The following SLC24A4 variants were observed in gnomAD, a reference collection of about 807,000 sequenced individuals.
SLC24A4 encodes solute carrier family 24 member 4.
In SLC24A4, 53 loss-of-function variants were observed where a neutral mutation model predicts 79.0. The ratio of observed to expected loss-of-function variants is 0.67; its 90% CI spans 0.54 to 0.84. SLC24A4 has a LOEUF of 0.84. Among genes scored for constraint, SLC24A4 ranks in the 40% least tolerant of loss-of-function variants. The probability of loss-of-function intolerance (pLI) is 0.00; values close to 1 mark genes in which losing one functional copy is unlikely to be tolerated. For missense variants in SLC24A4, 731 were observed against 822.0 expected (o/e 0.89, Z 1.35); for synonymous variants, 323 against 323.8 (o/e 1.00, Z 0.03).
At chr14:92,324,222 G>T (rs1884983178) in intron 1 of SLC24A4, among the ~76,000 whole-genome samples, 1 of 152,234 alleles carries the variant, frequency 6.6e-6, no homozygotes, top group Non-Finnish European at 1.5e-5. Flanking sequence ...TAAGACGAAA[G>T]CAAGAACCGC....
In SLC24A4 at chr14:92,398,661, C is replaced by A. The variant is rs867961160; in HGVS notation, c.242-35251C>A. Among the ~76,000 whole-genome samples, 1 of 152,176 alleles carries A rather than the reference C, an allele frequency of 6.6e-6. No homozygotes were observed. Among genetic ancestry groups the A allele is most frequent in the South Asian group, 2.1e-4 (1 of 4,830 alleles). On this transcript the variant is annotated intron_variant, in intron 2 of 16. Coordinates refer to ENST00000532405, the MANE Select transcript of SLC24A4 (RefSeq NM_153646.4). The surrounding 1 kb of genome is among the most constrained non-coding windows in gnomAD (Gnocchi z 4.1). ...CCACCTGGCATGGCTCAGAACATACCCCTTCCTCGTGTTAGCCAAAGCGAG... is the reference window on the plus strand; with the variant it reads ...CCACCTGGCATGGCTCAGAACATACACCTTCCTCGTGTTAGCCAAAGCGAG...
At chr14:92,469,453 G>C (rs1894312860) in intron 12 of SLC24A4, among the ~76,000 whole-genome samples, 1 of 151,538 alleles carries the variant, frequency 6.6e-6, no homozygotes, top group Admixed American at 6.6e-5. Flanking sequence ...AGCTCGCAGT[G>C]AGCCGAGATC....
chr14:92,331,450 T>A (rs1885473751), intron 2 of SLC24A4, among the ~76,000 whole-genome samples: 1 of 152,066 alleles, frequency 6.6e-6, no homozygotes, highest in Admixed American at 6.5e-5. Flanking sequence ...GCCTGGCTAA[T>A]TTTTGTATTT....
At chr14:92,489,853 C>T (rs570840155) in intron 14 of SLC24A4, among the ~76,000 whole-genome samples, 13 of 152,294 alleles carry the variant, frequency 8.5e-5, no homozygotes, top group Non-Finnish European at 1.5e-4. Context: ...CCTGACCTGC[C>T]GGAGTGCCTG....
intron 12 of SLC24A4, among the ~76,000 whole-genome samples, chr14:92,472,338 G>A (rs543027407): frequency 5.9e-5 from 9 of 151,896 alleles, no homozygotes; most frequent in Non-Finnish European, 1.2e-4. Context: ...TGAGATTTTC[G>A]TGCACGCATC....
intron 12 of SLC24A4, among the ~76,000 whole-genome samples, chr14:92,470,296 T>C (rs1894364803): frequency 6.6e-6 from 1 of 152,214 alleles, no homozygotes; most frequent in South Asian, 2.1e-4. Flanking sequence ...ATCTGTGCTC[T>C]CCAGGTCATA....
Position 92,454,010 on chromosome 14 carries a change from A to G in SLC24A4, c.991A>G (p.Thr331Ala). Reference protein sequence around the residue: ...FPEAGLRIMITNKFGPRTRLR... With the variant: ...FPEAGLRIMIANKFGPRTRLR... The stretch of plus-strand genomic sequence containing the variant: ...TGAAGCAGGCTTACGAATCATGATC[A>G]CCAATAAGTTTGGACCCAGGACCCG... Residue 331 changes from threonine (T) to alanine (A), a missense_variant, in exon 11 of 17, where the codon ACC becomes GCC. Physicochemically the swap from Thr to Ala is moderately conservative, Grantham distance 58. Coordinates refer to ENST00000532405, the MANE Select transcript of SLC24A4 (RefSeq NM_153646.4). The G allele has an allele frequency of 6.2e-7, 1 of 1,613,744 alleles. No homozygotes were observed. Among genetic ancestry groups the G allele is most frequent in the East Asian group, 2.2e-5 (1 of 44,854 alleles).
chr14:92,412,915 A>G (rs986275245), intron 2 of SLC24A4, among the ~76,000 whole-genome samples: 2 of 152,234 alleles, frequency 1.3e-5, no homozygotes, highest in African/African-American at 2.4e-5. Flanking sequence ...CAAAGTTAAA[A>G]AGGAATACTA....
At chr14:92,416,747 A>G (rs373999586) in intron 2 of SLC24A4, among the ~76,000 whole-genome samples, 1 of 152,352 alleles carries the variant, frequency 6.6e-6, no homozygotes, top group East Asian at 1.9e-4. Flanking sequence ...CAAGCTCACA[A>G]AGGAAAGCCA....
At chr14:92,493,250 C>G (rs975266802) in intron 16 of SLC24A4, among the ~76,000 whole-genome samples, 3 of 152,074 alleles carry the variant, frequency 2.0e-5, no homozygotes, top group Non-Finnish European at 2.9e-5. Context: ...GCTGTGTATC[C>G]CTGAGTCAAT....
chr14:92,447,653 G>A (rs1892878527), intron 9 of SLC24A4, among the ~76,000 whole-genome samples: 1 of 152,220 alleles, frequency 6.6e-6, no homozygotes, highest in Non-Finnish European at 1.5e-5. Context: ...GCTGGTGGCT[G>A]ATGTGTGGAC....
intron 2 of SLC24A4, among the ~76,000 whole-genome samples, chr14:92,431,356 G>A (rs187162868): frequency 1.3e-5 from 2 of 152,208 alleles, no homozygotes; most frequent in African/African-American, 4.8e-5. Flanking sequence ...GGTCCCACAG[G>A]TCATTAGGAG....
chr14:92,374,289 C>T (rs1036470209), intron 2 of SLC24A4, among the ~76,000 whole-genome samples: 2 of 152,196 alleles, frequency 1.3e-5, no homozygotes, highest in African/African-American at 4.8e-5. Flanking sequence ...GTGTGGTTCC[C>T]ACTCATTCGA....
chr14:92,482,906 G>A, intron 13 of SLC24A4, 60 bp downstream of exon 13: 2 of 1,532,402 alleles, frequency 1.3e-6, no homozygotes, highest in African/African-American at 2.7e-5. Flanking sequence ...GGAGAGCTGG[G>A]TTCAAGGCTA....
At chr14:92,435,727 A>G (rs889534050) in intron 3 of SLC24A4, among the ~76,000 whole-genome samples, 19 of 152,364 alleles carry the variant, frequency 1.2e-4, no homozygotes, top group African/African-American at 4.3e-4. Context: ...GTTTTAATTA[A>G]CAGGGTAAGC....
intron 2 of SLC24A4, among the ~76,000 whole-genome samples, chr14:92,403,239 C>G (rs1890201999): frequency 1.3e-5 from 2 of 152,098 alleles, no homozygotes; most frequent in Non-Finnish European, 2.9e-5. Flanking sequence ...CTTTGGGGAA[C>G]AGCCTACCTT....
rs2139966152 is a variant in SLC24A4, at chr14:92,499,126, A to C, written c.*5498A>C. 6.6e-6 allele frequency: 1 copy of C among 152,348 alleles called. No individual in the cohort carries two copies. The highest frequency in any genetic ancestry group is 1.9e-4 in the East Asian group (1 of 5,186). 9.4% of individuals were successfully genotyped at this position (152,348 alleles called of 1,614,324 possible). ...GTGCCATAGTCTCTGTTAAATCCTC[A>C]AACATTCACAAGCACACACTGCCAG... On this transcript the variant is annotated 3_prime_UTR_variant, in exon 17 of 17. Coordinates refer to ENST00000532405, the MANE Select transcript of SLC24A4 (RefSeq NM_153646.4).
At chr14:92,428,348 C>A (rs1256934575) in intron 2 of SLC24A4, among the ~76,000 whole-genome samples, 1 of 152,182 alleles carries the variant, frequency 6.6e-6, no homozygotes, top group African/African-American at 2.4e-5. Flanking sequence ...GGGGGCCAAG[C>A]TCCTCCAAAT....
intron 7 of SLC24A4, among the ~76,000 whole-genome samples, chr14:92,443,882 G>C (rs894203136): frequency 1.2e-4 from 18 of 152,270 alleles, no homozygotes; most frequent in African/African-American, 2.9e-4. Flanking sequence ...GGCAGGGCTT[G>C]GGCTACTGGC....
Sources: allele counts gnomAD v4.1 joint callset (sites outside exome capture counted in the v4.1 genomes callset), GRCh38; gene constraint gnomAD v4.1.1; non-coding constraint Gnocchi (gnomAD v3.1); transcripts MANE v1.5; gene names NCBI Gene and HGNC (gene_info 2026-07-23, HGNC 2026-07-21).